Variants in CES1 observed in about 807,000 individuals in gnomAD.
CES1 encodes the protein carboxylesterase 1.
A neutral mutation model predicts 53.0 loss-of-function variants in CES1; 50 were observed. The ratio of observed to expected loss-of-function variants is 0.94; its 90% CI spans 0.75 to 1.19. CES1 has a LOEUF of 1.19. Among genes scored for constraint, CES1 ranks in the 50% most tolerant of loss-of-function variants. CES1 has a pLI of 0.00. For missense variants in CES1, 534 were observed against 538.0 expected (o/e 0.99, Z 0.07); for synonymous variants, 202 against 210.1 (o/e 0.96, Z 0.33).
intron 8 of CES1, among the ~76,000 whole-genome samples, chr16:55,814,194 AATC>A (rs2142321564): frequency 6.6e-6 from 1 of 152,344 alleles, no homozygotes; most frequent in East Asian, 1.9e-4. Context: ...CTAGAGAGAA[AATC>A]ATGAGTAAAA....
At chr16:55,829,368 G>A (rs1234872361) in intron 1 of CES1, among the ~76,000 whole-genome samples, 1 of 152,264 alleles carries the variant, frequency 6.6e-6, no homozygotes, top group Non-Finnish European at 1.5e-5. Flanking sequence ...CCATTATAGG[G>A]AAGGGTCACA....
At chr16:55,823,033 A>G (rs1204905648) in intron 4 of CES1, among the ~76,000 whole-genome samples, 3 of 152,020 alleles carry the variant, frequency 2.0e-5, no homozygotes, top group South Asian at 2.1e-4. Flanking sequence ...GCAGAAAATG[A>G]GCTGAGTGGG....
At chr16:55,813,704 T>TCA (rs1335258210) in intron 8 of CES1, among the ~76,000 whole-genome samples, 2 of 152,108 alleles carry the variant, frequency 1.3e-5, no homozygotes, top group African/African-American at 4.8e-5. Context: ...CAAGCTTGTC[T>TCA]CACACAGGCA....
At chr16:55,821,230 T>G in intron 5 of CES1, 138 bp downstream of exon 5, 2 of 1,150,350 alleles carry the variant, frequency 1.7e-6, no homozygotes, top group Non-Finnish European at 2.6e-6. Flanking sequence ...TACCCCCTGA[T>G]GCTGGGCTGT....
chr16:55,825,550 G>A (rs1352130248), intron 3 of CES1, among the ~76,000 whole-genome samples: 1 of 152,254 alleles, frequency 6.6e-6, no homozygotes, highest in African/African-American at 2.4e-5. Context: ...AAGGCAAAAG[G>A]AAGAGCTTCT....
chr16:55,830,940 C>G (rs879514311), intron 1 of CES1, among the ~76,000 whole-genome samples: 2 of 151,986 alleles, frequency 1.3e-5, no homozygotes, highest in Non-Finnish European at 2.9e-5. Flanking sequence ...GGAAAGAAGA[C>G]CAAAGAGCTG....
At chr16:55,811,721 T>A (rs2031706446) in intron 9 of CES1, among the ~76,000 whole-genome samples, 1 of 152,108 alleles carries the variant, frequency 6.6e-6, no homozygotes, top group African/African-American at 2.4e-5. Context: ...ACTAGAGCAG[T>A]TACTTTAGAA....
chr16:55,821,740 C>A (rs1824141), intron 4 of CES1, among the ~76,000 whole-genome samples: 5 of 152,328 alleles, frequency 3.3e-5, no homozygotes, highest in Middle Eastern at 6.8e-3. Context: ...GTATGCCTGA[C>A]GCTGTCTTAT....
chr16:55,809,090 T>A (rs559004056), intron 11 of CES1, among the ~76,000 whole-genome samples: 121 of 9,162 alleles, frequency 0.013, no homozygotes, highest in African/African-American at 0.05. Flanking sequence ...TGTGTAGTCC[T>A]GGCAAAAAAA....
intron 6 of CES1, chr16:55,819,982 G>T: frequency 1.8e-6 from 1 of 542,198 alleles, no homozygotes; most frequent in Non-Finnish European, 3.3e-6. Flanking sequence ...AATCCTGGTT[G>T]TTCCACTTAC....
At chr16:55,812,766 G>A (rs1213639896) in intron 9 of CES1, 137 bp downstream of exon 9, 1 of 1,278,492 alleles carries the variant, frequency 7.8e-7, no homozygotes, top group African/African-American at 1.5e-5. Flanking sequence ...GATTTCCGTG[G>A]AAATGTTAAC....
In CES1 at chr16:55,821,411, G is replaced by A. The variant is rs541646274; in HGVS notation, c.650C>T (p.Thr217Ile). ...TCCTCCCGCTGACTCTCCAAAGATG[G>A]TCACAGAGCCTGGGTTCCCTCCAAA... is the stretch of plus-strand genomic sequence containing the variant. ...ASFGGNPGSV[T>I]IFGESAGGES... The change falls in exon 5 of 14, where the codon ACC becomes ATC. Residue 217 changes from threonine (T) to isoleucine (I), a missense_variant. Around this residue, in one of 5 missense-constraint regions of CES1, gnomAD observed 85 missense variants for 81.9 expected, o/e 1.04. Coordinates refer to ENST00000360526, the MANE Select transcript of CES1 (RefSeq NM_001025195.2). 4.3e-6 allele frequency: 7 copies of A among 1,614,186 alleles called. No homozygotes were observed. The highest frequency in any genetic ancestry group is 4.5e-5 in the East Asian group (2 of 44,886).
chr16:55,820,974 T>G (rs1317291595), intron 5 of CES1, among the ~76,000 whole-genome samples: 1 of 152,152 alleles, frequency 6.6e-6, no homozygotes, highest in Non-Finnish European at 1.5e-5. Context: ...TGTCCACCTC[T>G]TCTCTCTGCC....
chr16:55,809,206 T>A (rs8192949), intron 11 of CES1, among the ~76,000 whole-genome samples: 108,517 of 150,140 alleles, frequency 0.72, 40,178 homozygotes, highest in Non-Finnish European at 0.82. Context: ...CTATATATAG[T>A]TCAGACGCAG....
At position 55,833,044 on chromosome 16, in the gene CES1, A is replaced by C. The variant is rs775817967; in HGVS notation, c.12T>G (p.Arg4=). The C allele has an allele frequency of 6.4e-7, 1 of 1,556,820 alleles. No homozygotes were observed. The highest frequency in any genetic ancestry group is 1.7e-5 in the Admixed American group (1 of 59,076). Residue 4 remains arginine (R), a synonymous_variant, in exon 1 of 14, where the codon CGT becomes CGG. Transcript: ENST00000360526. The part of the protein sequence containing the change: MWL[R]AFILATLSAS... ...CAGAGAGAGTGGCCAGGATAAAGGC[A>C]CGGAGCCACATCGTGGAAGGGCGAC...
chr16:55,817,582 C>T (rs142050819), intron 7 of CES1, among the ~76,000 whole-genome samples: 49 of 152,314 alleles, frequency 3.2e-4, no homozygotes, highest in Admixed American at 6.5e-4. Flanking sequence ...GTTCCCAGAT[C>T]TGACCTGTGC....
At chr16:55,825,853 C>A (rs1313316038) in intron 3 of CES1, among the ~76,000 whole-genome samples, 8 of 152,228 alleles carry the variant, frequency 5.3e-5, no homozygotes, top group Non-Finnish European at 8.8e-5. Flanking sequence ...ATCTTGGTAT[C>A]AGATTTTTAA....
chr16:55,832,789 A>G (rs1487008505), intron 1 of CES1, among the ~76,000 whole-genome samples: 5 of 152,344 alleles, frequency 3.3e-5, no homozygotes, highest in East Asian at 1.9e-4. Flanking sequence ...GGCGAGCAGT[A>G]CAGGGCGATC....
intron 1 of CES1, among the ~76,000 whole-genome samples, chr16:55,830,713 G>C (rs150574118): frequency 4.0e-5 from 6 of 151,186 alleles, no homozygotes; most frequent in Admixed American, 3.3e-4. Flanking sequence ...AGAGAAGAAG[G>C]AAAGAAGGAA....
Sources: allele counts gnomAD v4.1 joint callset (sites outside exome capture counted in the v4.1 genomes callset), GRCh38; gene constraint gnomAD v4.1.1; regional missense constraint gnomAD v4.1.1; transcripts MANE v1.5; gene names NCBI Gene and HGNC (gene_info 2026-07-23, HGNC 2026-07-21).